Variants in ADGRA2 observed in about 807,000 individuals in gnomAD.
ADGRA2 encodes the protein adhesion G protein-coupled receptor A2.
In ADGRA2, 61 loss-of-function variants were observed where a neutral mutation model predicts 98.7. That is an observed-to-expected ratio of 0.62 (90% CI 0.50 to 0.76). The LOEUF (loss-of-function observed/expected upper bound fraction) is 0.76. Among genes scored for constraint, ADGRA2 ranks in the 30% least tolerant of loss-of-function variants. ADGRA2 has a pLI of 0.00. For synonymous variants in ADGRA2, 858 were observed against 831.5 expected (o/e 1.03, Z -0.55); for missense variants, 1,712 against 1,860.0 (o/e 0.92, Z 1.46).
chr8:37,838,909 G>A (rs374770610), intron 14 of ADGRA2, 47 bp from the exon 15 acceptor site: 2 of 1,524,196 alleles, frequency 1.3e-6, no homozygotes, highest in Admixed American at 2.2e-5. Flanking sequence ...CTGGGGGCCT[G>A]GCGAGGTGTC....
At chr8:37,799,684 C>A (rs1000255051) in intron 1 of ADGRA2, among the ~76,000 whole-genome samples, 1 of 152,130 alleles carries the variant, frequency 6.6e-6, no homozygotes, top group Admixed American at 6.5e-5. Context: ...CCTAGCTCAC[C>A]CTCCAATCCC....
At chr8:37,839,279 T>C (rs1349554334) in intron 15 of ADGRA2, 196 bp downstream of exon 15, 3 of 653,702 alleles carry the variant, frequency 4.6e-6, no homozygotes, top group South Asian at 6.9e-5. Flanking sequence ...AGGGGTTTTT[T>C]CCCCAGGTGG....
intron 1 of ADGRA2, among the ~76,000 whole-genome samples, chr8:37,807,882 A>T (rs1804722969): frequency 6.6e-6 from 1 of 151,708 alleles, no homozygotes; most frequent in Admixed American, 6.6e-5. Flanking sequence ...GACATGCATG[A>T]CTCTTCCCGC....
intron 2 of ADGRA2, among the ~76,000 whole-genome samples, chr8:37,822,289 C>G (rs1585388246): frequency 6.6e-6 from 1 of 151,906 alleles, no homozygotes; most frequent in Non-Finnish European, 1.5e-5. Flanking sequence ...TTGTGGCCTC[C>G]GAACCTATAA....
chr8:37,809,766 C>T (rs1350473789), intron 1 of ADGRA2, among the ~76,000 whole-genome samples: 2 of 152,152 alleles, frequency 1.3e-5, no homozygotes, highest in Non-Finnish European at 2.9e-5. Context: ...CCACTCAACT[C>T]AGCCCTTGCC....
intron 2 of ADGRA2, among the ~76,000 whole-genome samples, chr8:37,818,406 G>C (rs910337422): frequency 6.6e-6 from 1 of 152,208 alleles, no homozygotes; most frequent in Non-Finnish European, 1.5e-5. Flanking sequence ...ATGAAAAGAC[G>C]GCCTGTCCTT....
chr8:37,835,034 A>G (rs554531019), intron 11 of ADGRA2, 140 bp from the exon 12 acceptor site: 1 of 626,902 alleles, frequency 1.6e-6, no homozygotes, highest in South Asian at 2.0e-5. Context: ...CTAAAAAAAA[A>G]AAGAGAGAGA....
chr8:37,810,009 G>C (rs1000554554), intron 1 of ADGRA2, among the ~76,000 whole-genome samples: 3 of 152,208 alleles, frequency 2.0e-5, no homozygotes, highest in Non-Finnish European at 4.4e-5. Context: ...AGTGCCCGCA[G>C]CTGGTCTGAA....
chr8:37,842,102 G>A lies in ADGRA2; in HGVS notation c.3764G>A (p.Gly1255Asp), dbSNP rs1307664661. The change falls in exon 19 of 19, where the codon GGC (glycine) becomes GAC (aspartate). Residue 1255 changes from glycine (G) to aspartate (D), a missense_variant. Physicochemically the swap from Gly to Asp is moderately conservative, Grantham distance 94. Transcript: ENST00000412232. ...EGEPMLTPSEGSDTSAAPLSE... is the reference protein window; with the variant it reads ...EGEPMLTPSEDSDTSAAPLSE... ...GAGCCCATGCTCACGCCGTCCGAGG[G>A]CAGCGACACCAGCGCCGCGCCGCTT... The A allele has an allele frequency of 2.1e-5, 32 of 1,509,300 alleles. No individual in the cohort carries two copies. The highest frequency in any genetic ancestry group is 2.6e-5 in the Non-Finnish European group (30 of 1,136,474). The allele number at this position is 1,509,300 out of a possible 1,614,324, so 93.5% of individuals were successfully genotyped here.
chr8:37,827,688 T>C (rs1805319479), intron 2 of ADGRA2, among the ~76,000 whole-genome samples: 1 of 152,208 alleles, frequency 6.6e-6, no homozygotes, highest in South Asian at 2.1e-4. Flanking sequence ...GTCACTTCCC[T>C]GGCTTCCTCA....
chr8:37,840,318 C>G (rs1019243477), intron 17 of ADGRA2, 52 bp downstream of exon 17: 2 of 1,583,626 alleles, frequency 1.3e-6, no homozygotes, highest in East Asian at 4.5e-5. Flanking sequence ...CCAACGCAGG[C>G]GTAGGAAACC....
chr8:37,833,009 G>C lies in ADGRA2; in HGVS notation c.1098-1G>C. The C allele has an allele frequency of 6.2e-7, 1 of 1,611,106 alleles. No individual in the cohort carries two copies. Among genetic ancestry groups the C allele is most frequent in the Non-Finnish European group, 8.5e-7 (1 of 1,178,794 alleles). On this transcript the variant is annotated splice_acceptor_variant, in intron 8 of 18. Transcript: ENST00000412232. LOFTEE classifies it high-confidence loss of function. ...CGGCAACTTCCTGCCTCTCCCCCCA[G>C]GTGGCCCCGAACTCTGGCTGGCATC...
Position 37,842,358 on chromosome 8 carries a change from T to A in ADGRA2, c.*3T>A. 6.8e-7 allele frequency: 1 copy of A among 1,464,858 alleles called. No individual in the cohort carries two copies. The allele number at this position is 1,464,858 out of a possible 1,614,324, so 90.7% of individuals were successfully genotyped here. On this transcript the variant is annotated 3_prime_UTR_variant, in exon 19 of 19. Coordinates refer to ENST00000412232, the MANE Select transcript of ADGRA2 (RefSeq NM_032777.10). Reference sequence around the variant, plus strand: ...GGAAGAGCGAAACTACCGTCTAAGGTGGGGCGGGCGACGCGGTAGACGGGC... The same window carrying A: ...GGAAGAGCGAAACTACCGTCTAAGGAGGGGCGGGCGACGCGGTAGACGGGC...
intron 2 of ADGRA2, among the ~76,000 whole-genome samples, chr8:37,821,369 CA>C (rs1201825271): frequency 6.6e-6 from 1 of 152,210 alleles, no homozygotes; most frequent in Non-Finnish European, 1.5e-5. Context: ...GAAGATTTCC[CA>C]GTTGCTAGAT....
chr8:37,827,220 A>G (rs1805307724), intron 2 of ADGRA2, among the ~76,000 whole-genome samples: 1 of 152,234 alleles, frequency 6.6e-6, no homozygotes, highest in Non-Finnish European at 1.5e-5. Context: ...TAGGTGGGCA[A>G]CTGGCCCCAC....
intron 16 of ADGRA2, 28 bp from the exon 17 acceptor site, chr8:37,840,093 C>T: frequency 1.9e-6 from 3 of 1,549,572 alleles, no homozygotes; most frequent in Non-Finnish European, 2.6e-6. Context: ...GTCCCCAGGT[C>T]CCCAGCCTCC....
chr8:37,839,647 G>A, intron 16 of ADGRA2, 25 bp downstream of exon 16: 1 of 1,612,298 alleles, frequency 6.2e-7, no homozygotes, highest in Non-Finnish European at 8.5e-7. Flanking sequence ...GGGCTCTGGG[G>A]GTGGTGCTCC....
chr8:37,809,849 G>A (rs1359160082), intron 1 of ADGRA2, among the ~76,000 whole-genome samples: 1 of 152,060 alleles, frequency 6.6e-6, no homozygotes. Context: ...GCCGAGACCG[G>A]GACTGCATGA....
At chr8:37,831,396 C>A in intron 7 of ADGRA2, 27 bp from the exon 8 acceptor site, 1 of 1,603,948 alleles carries the variant, frequency 6.2e-7, no homozygotes, top group Middle Eastern at 1.8e-4. Context: ...GGGTGACTCA[C>A]GAGCCAGCTC....
Sources: gnomAD v4.1 joint callset for allele counts (sites outside exome capture counted in the v4.1 genomes callset) on GRCh38, gnomAD v4.1.1 for gene constraint, MANE v1.5 for transcripts, NCBI Gene and HGNC (gene_info 2026-07-23, HGNC 2026-07-21) for gene names.